TJP2: variants seen among roughly 807,000 people sequenced by gnomAD.
TJP2 encodes Friedreich ataxia region gene X104 (tight junction protein ZO-2).
In TJP2, 91 loss-of-function variants were observed where a neutral mutation model predicts 133.1. The observed-to-expected ratio is 0.68, with a 90% confidence interval of 0.58 to 0.81. The LOEUF (loss-of-function observed/expected upper bound fraction) is 0.81, where lower values mean the gene tolerates loss of function less well. Among genes scored for constraint, TJP2 ranks in the 40% least tolerant of loss-of-function variants. TJP2 has a pLI of 0.00. For synonymous variants in TJP2, 592 were observed against 583.4 expected (o/e 1.01, Z -0.21); for missense variants, 1,541 against 1,565.6 (o/e 0.98, Z 0.26).
At chr9:69,130,460 C>T (rs1351320030) in intron 1 of TJP2, among the ~76,000 whole-genome samples, 1 of 152,102 alleles carries the variant, frequency 6.6e-6, no homozygotes, top group Non-Finnish European at 1.5e-5. Flanking sequence ...AGATTGCAGG[C>T]CCCCCTCCTG....
intron 1 of TJP2, among the ~76,000 whole-genome samples, chr9:69,188,670 C>T (rs1826010968): frequency 1.3e-5 from 2 of 152,130 alleles, no homozygotes; most frequent in African/African-American, 2.4e-5. Context: ...CTGTATGAGA[C>T]CCCAAAGACT....
intron 2 of TJP2, 145 bp downstream of exon 2, chr9:69,212,746 T>C (rs1828017919): frequency 7.4e-6 from 5 of 675,856 alleles, no homozygotes; most frequent in Non-Finnish European, 8.0e-6. Flanking sequence ...CTGGCAATAA[T>C]TGCTATGTTA....
chr9:69,141,058 C>T (rs1410537325), intron 1 of TJP2, among the ~76,000 whole-genome samples: 3 of 152,118 alleles, frequency 2.0e-5, no homozygotes, highest in African/African-American at 4.8e-5. Flanking sequence ...TATGTGTTGG[C>T]CAGGCTGGTC....
chr9:69,193,377 T>C (rs2133075572), intron 1 of TJP2, among the ~76,000 whole-genome samples: 1 of 152,116 alleles, frequency 6.6e-6, no homozygotes, highest in Middle Eastern at 3.4e-3. Context: ...GATGATTTCC[T>C]ATAGCTACAA....
rs192080805 is a variant in TJP2, at chr9:69,246,333, T to C, written c.2567-357T>C. 1.5e-3 allele frequency: 554 copies of C among 360,206 alleles called. 2 individuals are homozygous for C. The highest frequency in any genetic ancestry group is 9.9e-3 in the Middle Eastern group (10 of 1,012). 22.3% of individuals were successfully genotyped at this position (360,206 alleles called of 1,614,324 possible). On this transcript the variant is annotated intron_variant, in intron 17 of 22. Coordinates refer to ENST00000377245, the MANE Select transcript of TJP2 (RefSeq NM_004817.4). ...CAGTATATTAGTGTATACTAATTAG[T>C]GTATACACCTCAGCCTCCCAGAGTG...
At chr9:69,171,240 C>G (rs985205011), upstream of TJP2, among the ~76,000 whole-genome samples, 13 of 152,194 alleles carry the variant, frequency 8.5e-5, no homozygotes, top group African/African-American at 2.9e-4. Context: ...AGTCATCCAG[C>G]CTGCTGATCT....
intron 19 of TJP2, 28 bp from the exon 20 acceptor site, chr9:69,249,344 CTTG>C: frequency 6.3e-7 from 1 of 1,581,878 alleles, no homozygotes; most frequent in South Asian, 1.2e-5. Flanking sequence ...CTTGGATGTT[CTTG>C]TTGTGAATGA....
intron 7 of TJP2, among the ~76,000 whole-genome samples, chr9:69,227,138 T>A (rs920323764): frequency 9.7e-5 from 14 of 143,990 alleles, no homozygotes; most frequent in Non-Finnish European, 1.8e-4. Context: ...TTTTTTTTTT[T>A]AAAGGAATTT....
At chr9:69,237,249 G>A in intron 14 of TJP2, 113 bp downstream of exon 14, 1 of 1,296,350 alleles carries the variant, frequency 7.7e-7, no homozygotes, top group Non-Finnish European at 1.1e-6. Flanking sequence ...TTATGCCAAA[G>A]GCAGTTTATA....
intron 1 of TJP2, among the ~76,000 whole-genome samples, chr9:69,128,487 ATGT>A (rs1484051247): frequency 6.7e-6 from 1 of 150,256 alleles, no homozygotes; most frequent in Non-Finnish European, 1.5e-5. Flanking sequence ...ATGGCTAATG[ATGT>A]TGAATATTTA....
In TJP2 at chr9:69,237,903, A is replaced by G. The variant is rs1361933661; in HGVS notation, c.2205A>G (p.Leu735=). ...CTGGTTTCAAGAGACCTGTGGTCTT[A>G]TTCGGCCCCATAGCTGATATAGCAA... ...REAGFKRPVV[L]FGPIADIAME... is the part of the protein sequence containing the mutation. Residue 735 remains leucine (L), a synonymous_variant, in exon 15 of 23, where the codon TTA becomes TTG. Coordinates refer to ENST00000377245, the MANE Select transcript of TJP2 (RefSeq NM_004817.4). 6.2e-7 allele frequency: 1 copy of G among 1,613,852 alleles called. No homozygotes were observed. The highest frequency in any genetic ancestry group is 1.3e-5 in the African/African-American group (1 of 74,920).
At chr9:69,229,403 A>G (rs1322830325) in intron 10 of TJP2, among the ~76,000 whole-genome samples, 153 bp downstream of exon 10, 1 of 152,220 alleles carries the variant, frequency 6.6e-6, no homozygotes, top group African/African-American at 2.4e-5. Flanking sequence ...CTTATGAGAA[A>G]GAGGAATGAT....
chr9:69,254,654 C>T lies in TJP2; in HGVS notation c.*280C>T. 1.7e-6 allele frequency: 1 copy of T among 596,336 alleles called. No homozygotes were observed. Among genetic ancestry groups the T allele is most frequent in the Non-Finnish European group, 3.0e-6 (1 of 333,994 alleles). 36.9% of individuals were successfully genotyped at this position (596,336 alleles called of 1,614,324 possible). On this transcript the variant is annotated 3_prime_UTR_variant, in exon 23 of 23. Transcript: ENST00000377245. ...GTTACTTGCTTCAGTGGACCGAAAT[C>T]TGTATTCTGTTTGCGTACTTGTAAT...
upstream of TJP2, among the ~76,000 whole-genome samples, chr9:69,172,095 G>C (rs973236187): frequency 2.6e-5 from 4 of 152,130 alleles, no homozygotes; most frequent in African/African-American, 9.7e-5. Flanking sequence ...GCGCCCTGCG[G>C]AGTAGAAGTT....
At chr9:69,225,208 CT>C (rs1829243917) in intron 5 of TJP2, 95 bp from the exon 6 acceptor site, 1 of 819,564 alleles carries the variant, frequency 1.2e-6, no homozygotes, top group African/African-American at 1.7e-5. Context: ...ACAAAATTAA[CT>C]TTTTAATACA....
rs185156038 is a variant in TJP2 at position 69,206,439 on chromosome 9, A to G, written c.61-6109A>G. ...ATTATTATCCCCTCTTCACTTTGCAAAATTCTAACTGCATTGAAAAATTTG... is the reference window on the plus strand; with the variant it reads ...ATTATTATCCCCTCTTCACTTTGCAGAATTCTAACTGCATTGAAAAATTTG... On this transcript the variant is annotated intron_variant, in intron 1 of 22. Transcript: ENST00000377245. Among the ~76,000 whole-genome samples, 20 of 152,224 alleles carry G rather than the reference A, an allele frequency of 1.3e-4. 1 individual carries two copies. The highest frequency in any genetic ancestry group is 7.8e-4 in the Admixed American group (12 of 15,290).
chr9:69,212,109 C>CAT (rs1277995329), intron 1 of TJP2, among the ~76,000 whole-genome samples: 1 of 152,104 alleles, frequency 6.6e-6, no homozygotes, highest in Non-Finnish European at 1.5e-5. Flanking sequence ...CCCAATTGGG[C>CAT]ATACCCTATG....
At chr9:69,250,379 C>T (rs1406769918) in intron 20 of TJP2, among the ~76,000 whole-genome samples, 1 of 152,244 alleles carries the variant, frequency 6.6e-6, no homozygotes, top group African/African-American at 2.4e-5. Context: ...GCTGGGATTA[C>T]AGGCGTGAGC....
At chr9:69,183,298 C>T (rs1311655556) in intron 1 of TJP2, among the ~76,000 whole-genome samples, 1 of 152,150 alleles carries the variant, frequency 6.6e-6, no homozygotes, top group African/African-American at 2.4e-5. Context: ...CTAGAATTTT[C>T]CATCACTCTG....
Sources: gnomAD v4.1 joint callset for allele counts (sites outside exome capture counted in the v4.1 genomes callset) on GRCh38, gnomAD v4.1.1 for gene constraint, MANE v1.5 for transcripts, NCBI Gene and HGNC (gene_info 2026-07-23, HGNC 2026-07-21) for gene names.